The following GRIK3 variants were observed in gnomAD, a reference collection of about 807,000 sequenced individuals.
GRIK3 encodes glutamate receptor ionotropic, kainate 3.
In GRIK3, 29 loss-of-function variants were observed where a neutral mutation model predicts 102.5. The observed-to-expected ratio is 0.28, with a 90% CI of 0.21 to 0.39. The LOEUF is 0.39. Ranked by LOEUF, GRIK3 falls within the 10% of genes least tolerant of loss-of-function variation. The pLI is 1.00. For missense variants in GRIK3, 908 were observed against 1,252.4 expected, an observed-to-expected ratio of 0.73 and a Z score of 4.15; for synonymous variants, 511 against 504.9, an observed-to-expected ratio of 1.01 and a Z score of -0.16.
rs549229064 is a variant in GRIK3, at chr1:36,801,586, G to C, written c.*265C>G. On this transcript the variant is annotated 3_prime_UTR_variant, in exon 16 of 16. Transcript: ENST00000373091. Reference sequence around the variant, plus strand: ...GTTGAGGGGCAGGTGAGTTTGGCCTGAGAGAGGCATGTGCTTCCTTTGGCC... The same window carrying C: ...GTTGAGGGGCAGGTGAGTTTGGCCTCAGAGAGGCATGTGCTTCCTTTGGCC... 3 of 359,728 alleles carry C rather than the reference G, an allele frequency of 8.3e-6. No individual in the cohort carries two copies. Among genetic ancestry groups the C allele is most frequent in the African/African-American group, 2.1e-5 (1 of 48,294 alleles). 22.3% of individuals were successfully genotyped at this position (359,728 alleles called of 1,614,324 possible).
At chr1:36,804,901 C>A (rs781491385) in intron 15 of GRIK3, 86 bp downstream of exon 15, 4 of 1,508,470 alleles carry the variant, frequency 2.7e-6, no homozygotes, top group Non-Finnish European at 2.7e-6. Flanking sequence ...AGATGAGACA[C>A]CACTGTGTGC....
In GRIK3 at chr1:36,799,324, G is replaced by A. The variant is rs886404205; in HGVS notation, c.*2527C>T. On this transcript the variant is annotated 3_prime_UTR_variant, in exon 16 of 16. Coordinates refer to ENST00000373091, the MANE Select transcript of GRIK3 (RefSeq NM_000831.4). ...ACCCTGGTGCCCGGCCTTCCTGATT[G>A]TCTGTCTTTGCTTCCACTGTGACCT... The A allele has an allele frequency of 3.3e-5, 5 of 152,354 alleles. No individual in the cohort carries two copies. Among genetic ancestry groups the A allele is most frequent in the Middle Eastern group, 3.4e-3 (1 of 294 alleles). The allele number at this position is 152,354 out of a possible 1,614,324, so 9.4% of individuals were successfully genotyped here.
At chr1:36,821,892 C>A (rs1642699318) in intron 11 of GRIK3, among the ~76,000 whole-genome samples, 1 of 152,230 alleles carries the variant, frequency 6.6e-6, no homozygotes, top group African/African-American at 2.4e-5. Context: ...ATGTACCAGG[C>A]ACACATACAC....
intron 1 of GRIK3, among the ~76,000 whole-genome samples, chr1:36,907,943 T>A (rs1557721142): frequency 6.6e-6 from 1 of 152,010 alleles, no homozygotes; most frequent in Non-Finnish European, 1.5e-5. Flanking sequence ...GAGGGGTCAC[T>A]CACCTGGGCC....
intron 11 of GRIK3, among the ~76,000 whole-genome samples, chr1:36,820,219 T>G (rs922114030): frequency 2.0e-5 from 3 of 152,066 alleles, no homozygotes; most frequent in Non-Finnish European, 4.4e-5. Context: ...CACCAAAATA[T>G]CCTTCAATAA....
At chr1:36,841,586 C>T in intron 10 of GRIK3, 150 bp downstream of exon 10, 1 of 674,482 alleles carries the variant, frequency 1.5e-6, no homozygotes, top group Admixed American at 2.5e-5. Context: ...TCAGCTGAGG[C>T]CCCCCAGTCC....
chr1:36,878,503 C>G (rs1163157189), intron 3 of GRIK3, among the ~76,000 whole-genome samples: 1 of 152,268 alleles, frequency 6.6e-6, no homozygotes, highest in Non-Finnish European at 1.5e-5. Flanking sequence ...CATTGAATCA[C>G]AGGCAGCTGA....
chr1:36,825,852 C>A, intron 10 of GRIK3, 26 bp from the exon 11 acceptor site: 1 of 1,524,916 alleles, frequency 6.6e-7, no homozygotes, highest in Non-Finnish European at 9.0e-7. Context: ...GAGAGAAAGA[C>A]AGACTATGAG....
chr1:36,889,957 G>C (rs1641083449), intron 2 of GRIK3, among the ~76,000 whole-genome samples: 1 of 152,180 alleles, frequency 6.6e-6, no homozygotes, highest in Admixed American at 6.5e-5. Flanking sequence ...AGGCCGGGCA[G>C]AGGGTGTTAG....
intron 1 of GRIK3, among the ~76,000 whole-genome samples, chr1:36,908,911 G>A (rs989003338): frequency 2.0e-5 from 3 of 151,974 alleles, no homozygotes; most frequent in Admixed American, 6.6e-5. Flanking sequence ...GAAGCCCAAC[G>A]GGTAAAACAA....
chr1:37,019,895 T>C (rs1642692620), intron 1 of GRIK3, among the ~76,000 whole-genome samples: 1 of 152,134 alleles, frequency 6.6e-6, no homozygotes, highest in Admixed American at 6.5e-5. Flanking sequence ...CTACCATAGC[T>C]CACTTCCTCC....
intron 1 of GRIK3, among the ~76,000 whole-genome samples, chr1:36,954,253 G>A (rs562510484): frequency 6.6e-6 from 1 of 152,280 alleles, no homozygotes; most frequent in African/African-American, 2.4e-5. Context: ...TGAGCTCCAG[G>A]ATCTTGCCAC....
chr1:36,958,892 GT>G (rs1641961242), intron 1 of GRIK3, among the ~76,000 whole-genome samples: 2 of 116,058 alleles, frequency 1.7e-5, no homozygotes, highest in African/African-American at 3.0e-5. Flanking sequence ...TGCCCTGTGA[GT>G]CTGTGCCTTG....
intron 1 of GRIK3, among the ~76,000 whole-genome samples, chr1:37,025,550 G>C (rs539515076): frequency 5.9e-5 from 9 of 152,344 alleles, no homozygotes; most frequent in Admixed American, 1.3e-4. Context: ...TGGAGCCCTG[G>C]AAAGTCCTTG....
rs1414045868 is a variant in GRIK3, at chr1:36,800,621, G to T, written c.*1230C>A. The T allele has an allele frequency of 6.6e-6, 1 of 152,218 alleles. No homozygotes were observed. The highest frequency in any genetic ancestry group is 1.5e-5 in the Non-Finnish European group (1 of 68,074). The allele number at this position is 152,218 out of a possible 1,614,324, so 9.4% of individuals were successfully genotyped here. On this transcript the variant is annotated 3_prime_UTR_variant, in exon 16 of 16. Transcript: ENST00000373091. Reference sequence around the variant, plus strand: ...CAGCTTCTTCCTCCCCACCCTTGGGGCCTCTGCCAGCTATGATATTATGTC... The same window carrying T: ...CAGCTTCTTCCTCCCCACCCTTGGGTCCTCTGCCAGCTATGATATTATGTC...
At chr1:36,964,291 G>A (rs939491938) in intron 1 of GRIK3, among the ~76,000 whole-genome samples, 12 of 152,200 alleles carry the variant, frequency 7.9e-5, no homozygotes, top group African/African-American at 2.7e-4. Flanking sequence ...CAGAACTCAG[G>A]TGACCTCCCT....
chr1:36,809,121 C>T (rs149272695), intron 13 of GRIK3, among the ~76,000 whole-genome samples: 7 of 152,072 alleles, frequency 4.6e-5, no homozygotes, highest in African/African-American at 1.7e-4. Flanking sequence ...TGCATCTGCC[C>T]ATCTAATCTA....
rs116308084 is a variant in GRIK3 at position 36,954,796 on chromosome 1, C to T, written c.116-63700G>A. On this transcript the variant is annotated intron_variant, in intron 1 of 15. Transcript: ENST00000373091. ...ACAAATCACAGAAAAAAACCAGCTA[C>T]AGACACATGAGTTCAGGCCACAGAA... Among the ~76,000 whole-genome samples the T allele has an allele frequency of 4.7e-3, 721 of 152,360 alleles. 6 individuals carry two copies. Among genetic ancestry groups the T allele is most frequent in the African/African-American group, 0.016 (664 of 41,584 alleles).
intron 7 of GRIK3, among the ~76,000 whole-genome samples, chr1:36,854,895 G>A (rs747081833): frequency 2.6e-5 from 4 of 152,186 alleles, no homozygotes; most frequent in Non-Finnish European, 5.9e-5. Flanking sequence ...GGGGCCATGG[G>A]TCGCCCAAGC....
Sources: allele counts gnomAD v4.1 joint callset (sites outside exome capture counted in the v4.1 genomes callset), GRCh38; gene constraint gnomAD v4.1.1; transcripts MANE v1.5; gene names NCBI Gene and HGNC (gene_info 2026-07-23, HGNC 2026-07-21).